PTPRF: variants seen among roughly 807,000 people sequenced by gnomAD.
PTPRF encodes receptor-type tyrosine-protein phosphatase F.
Under a neutral mutation model 201.8 loss-of-function variants are expected in PTPRF, and 59 were observed. That is an observed-to-expected ratio of 0.29 (90% confidence interval 0.24 to 0.36). The LOEUF (loss-of-function observed/expected upper bound fraction) is 0.36. Ranked by LOEUF, PTPRF falls within the 10% of genes least tolerant of loss-of-function variation. PTPRF has a pLI of 1.00. For synonymous variants in PTPRF, 1,088 were observed against 1,089.7 expected (o/e 1.00, Z 0.03); for missense variants, 2,132 against 2,690.5 (o/e 0.79, Z 4.59).
intron 2 of PTPRF, among the ~76,000 whole-genome samples, chr1:43,539,776 G>T (rs138507647): frequency 6.6e-6 from 1 of 152,200 alleles, no homozygotes; most frequent in Non-Finnish European, 1.5e-5. Flanking sequence ...TGAAGGTGGA[G>T]CCCTCTGTCC....
In PTPRF at chr1:43,545,018, C is replaced by T; in HGVS notation, c.-45-13C>T. ...ATACCAGCTAACTGGCTCTGCCCTT[C>T]TCTCCATTACAGGTTGATTGTCCTG... is the stretch of plus-strand genomic sequence containing the variant. On this transcript the variant is annotated splice_polypyrimidine_tract_variant and intron_variant, in intron 2 of 33. Transcript: ENST00000359947. 1 of 1,456,544 alleles carries T rather than the reference C, an allele frequency of 6.9e-7. No homozygotes were observed. Among genetic ancestry groups the T allele is most frequent in the Admixed American group, 2.2e-5 (1 of 46,134 alleles). 90.2% of individuals were successfully genotyped at this position (1,456,544 alleles called of 1,614,324 possible).
rs144871357 is a variant in PTPRF, at chr1:43,590,939, C to T, written c.950-33C>T. The T allele has an allele frequency of 2.0e-4, 318 of 1,564,400 alleles. No homozygotes were observed. In the African/African-American group the frequency reaches 3.9e-3, roughly 19 times the overall value. On this transcript the variant is annotated intron_variant, in intron 8 of 33. Transcript: ENST00000359947. ...GGTTGGTTCCTAAGGATCTTGACCTCGGGCAGCTTTGAGCCTTCCACTTTG... is the reference window on the plus strand; with the variant it reads ...GGTTGGTTCCTAAGGATCTTGACCTTGGGCAGCTTTGAGCCTTCCACTTTG...
rs141013892 is a variant in PTPRF, at chr1:43,606,404, G to A, written c.3648G>A (p.Pro1216=). 41 of 1,614,026 alleles carry A rather than the reference G, an allele frequency of 2.5e-5. No individual in the cohort carries two copies. The African/African-American group carries it at 2.9e-4, about 12-fold the overall frequency. The change falls in exon 20 of 34, where the codon CCG becomes CCA. Residue 1216 remains proline, a synonymous_variant. Transcript: ENST00000359947. ...GCTTCTACAACCGGCCCCTGTCTCCGGACTTGAGCTACCAGTGCTTTGTGC... is the reference window on the plus strand; with the variant it reads ...GCTTCTACAACCGGCCCCTGTCTCCAGACTTGAGCTACCAGTGCTTTGTGC... ...YRGFYNRPLS[P]DLSYQCFVLA...
Position 43,606,909 on chromosome 1 carries a change from T to C in PTPRF, c.3798T>C (p.Gly1266=), listed in dbSNP as rs765556683. The C allele has an allele frequency of 6.2e-7, 1 of 1,614,138 alleles. No individual in the cohort carries two copies. Among genetic ancestry groups the C allele is most frequent in the South Asian group, 1.1e-5 (1 of 91,086 alleles). ...AGCCGGAGATGCTGTGGGTGACGGG[T>C]CCCGTGCTGGCAGTCATCCTCATCA... ...QEEPEMLWVT[G]PVLAVILIIL... The change falls in exon 21 of 34, where the codon GGT becomes GGC. Residue 1266 remains glycine, a synonymous_variant. Coordinates refer to ENST00000359947, the MANE Select transcript of PTPRF (RefSeq NM_002840.5).
chr1:43,578,617 G>A (rs148235638), intron 6 of PTPRF, among the ~76,000 whole-genome samples, 193 bp from the exon 7 acceptor site: 44 of 152,290 alleles, frequency 2.9e-4, no homozygotes, highest in South Asian at 8.3e-4. Flanking sequence ...AAGCACAACC[G>A]TTGGTTCTAG....
At chr1:43,536,532 G>A (rs1222984742) in intron 1 of PTPRF, among the ~76,000 whole-genome samples, 2 of 152,212 alleles carry the variant, frequency 1.3e-5, no homozygotes, top group Non-Finnish European at 2.9e-5. Flanking sequence ...CCAGCTTGGG[G>A]GGCCTTTCCC....
chr1:43,569,880 C>A, intron 6 of PTPRF, 102 bp downstream of exon 6: 1 of 1,306,270 alleles, frequency 7.7e-7, no homozygotes, highest in Non-Finnish European at 1.0e-6. Context: ...ACCTCCAGGG[C>A]TGAGCGGAGG....
intron 10 of PTPRF, 35 bp from the exon 11 acceptor site, chr1:43,592,422 C>T (rs753539662): frequency 3.8e-6 from 6 of 1,577,808 alleles, no homozygotes; most frequent in Non-Finnish European, 5.2e-6. Context: ...ACTTTGAGCT[C>T]AGAGCTGTCA....
rs113890417 is a variant in PTPRF, at chr1:43,599,784, C to T, written c.2313+871C>T. ...TTATTCAGCAAGTAGGTGGCTGCTGCGCTTGGATGAGAAGCCATGTCTGTG... is the reference window on the plus strand; with the variant it reads ...TTATTCAGCAAGTAGGTGGCTGCTGTGCTTGGATGAGAAGCCATGTCTGTG... On this transcript the variant is annotated intron_variant, in intron 13 of 33. Transcript: ENST00000359947. 5.3e-5 allele frequency among the ~76,000 whole-genome samples: 8 copies of T among 152,292 alleles called. 2 individuals are homozygous for T. Among genetic ancestry groups the T allele is most frequent in the African/African-American group, 1.9e-4 (8 of 41,574 alleles).
At chr1:43,601,949 A>C in intron 13 of PTPRF, 122 bp from the exon 14 acceptor site, 2 of 1,118,986 alleles carry the variant, frequency 1.8e-6, no homozygotes, top group Non-Finnish European at 2.7e-6. Context: ...CCCCATGGGT[A>C]CTTTGAGGCC....
intron 7 of PTPRF, among the ~76,000 whole-genome samples, chr1:43,583,523 C>A (rs944396204): frequency 6.6e-6 from 1 of 152,190 alleles, no homozygotes; most frequent in Non-Finnish European, 1.5e-5. Context: ...CCGCCCTCCT[C>A]GCCTAGAGAC....
At chr1:43,531,911 CTGCCTCCCCGTGTCAG>C (rs1460752423) in intron 1 of PTPRF, among the ~76,000 whole-genome samples, 1 of 152,210 alleles carries the variant, frequency 6.6e-6, no homozygotes, top group Admixed American at 6.5e-5. Context: ...CTCGGCGTCT[CTGCCTCCCCGTGTCAG>C]TGCCTCCCAA....
chr1:43,616,291 T>C (rs1657842417), intron 23 of PTPRF, among the ~76,000 whole-genome samples: 1 of 151,164 alleles, frequency 6.6e-6, no homozygotes, highest in African/African-American at 2.4e-5. Context: ...CTCACAGCGG[T>C]GCCAGGCACA....
chr1:43,580,404 A>G (rs1647286035), intron 7 of PTPRF, among the ~76,000 whole-genome samples: 1 of 152,224 alleles, frequency 6.6e-6, no homozygotes, highest in Non-Finnish European at 1.5e-5. Flanking sequence ...TGAGCTGCAG[A>G]GGAACTATTT....
At chr1:43,586,845 C>G (rs1025541582) in intron 7 of PTPRF, among the ~76,000 whole-genome samples, 1 of 152,358 alleles carries the variant, frequency 6.6e-6, no homozygotes, top group Admixed American at 6.5e-5. Context: ...GGTCGCTTTT[C>G]TAATAGTTTC....
At chr1:43,615,629 T>C (rs561350234) in intron 23 of PTPRF, among the ~76,000 whole-genome samples, 22 of 142,552 alleles carry the variant, frequency 1.5e-4, no homozygotes, top group South Asian at 2.4e-4. Context: ...TGCAGTGGCG[T>C]GATCTCGGCT....
chr1:43,551,437 G>C (rs1317760874), intron 3 of PTPRF, among the ~76,000 whole-genome samples: 1 of 152,106 alleles, frequency 6.6e-6, no homozygotes, highest in Admixed American at 6.5e-5. Flanking sequence ...TCAGGGGAAG[G>C]GCAAGGCACG....
rs1202789024 is a variant in PTPRF, at chr1:43,591,006, A to C, written c.984A>C (p.Thr328=). Residue 328 remains threonine (T), a synonymous_variant, in exon 9 of 34, where the codon ACA becomes ACC. Coordinates refer to ENST00000359947, the MANE Select transcript of PTPRF (RefSeq NM_002840.5). ...AGCCTCCGATTGATCTTGTGGTGAC[A>C]GAGACAACTGCCACCAGTGTCACCC... is the stretch of plus-strand genomic sequence containing the variant. ...LPKPPIDLVV[T]ETTATSVTLT... 6.2e-7 allele frequency: 1 copy of C among 1,613,312 alleles called. No homozygotes were observed. The highest frequency in any genetic ancestry group is 1.1e-5 in the South Asian group (1 of 91,074).
intron 7 of PTPRF, among the ~76,000 whole-genome samples, chr1:43,585,386 C>T (rs1456243146): frequency 1.3e-5 from 2 of 152,136 alleles, no homozygotes; most frequent in African/African-American, 4.8e-5. Context: ...CATACCCTGA[C>T]CTCCCTCACA....
Sources: allele counts gnomAD v4.1 joint callset (sites outside exome capture counted in the v4.1 genomes callset), GRCh38; gene constraint gnomAD v4.1.1; transcripts MANE v1.5; gene names NCBI Gene and HGNC (gene_info 2026-07-23, HGNC 2026-07-21).